Variants in PRUNE2 observed in about 807,000 individuals in gnomAD.
PRUNE2 encodes the protein protein prune homolog 2.
PRUNE2 carries 164 observed loss-of-function variants against 252.0 expected under a neutral mutation model. That is an observed-to-expected ratio of 0.65 (90% CI 0.57 to 0.74). PRUNE2 has a LOEUF of 0.74. PRUNE2 is among the 30% of genes least tolerant of loss of function. PRUNE2 has a pLI of 0.00. For synonymous variants in PRUNE2, 1,292 were observed against 1,350.2 expected, an observed-to-expected ratio of 0.96 and a Z score of 0.94; for missense variants, 3,495 against 3,711.0, an observed-to-expected ratio of 0.94 and a Z score of 1.51.
In PRUNE2 at chr9:76,652,593, T is replaced by C. The variant is rs746122738; in HGVS notation, c.8447A>G (p.Glu2816Gly). ...PNINLSLDQS[E>G]GSILSDDNLD... ...GTTATCATCAGAGAGAATAGATCCT[T>C]CACTTTGGTCCAGAGAAAGATTGAT... Residue 2816 changes from glutamate (E) to glycine (G), a missense_variant, in exon 11 of 19, where the codon GAA becomes GGA. Coordinates refer to ENST00000376718, the MANE Select transcript of PRUNE2 (RefSeq NM_015225.3). The C allele has an allele frequency of 1.9e-6, 3 of 1,612,786 alleles. No individual in the cohort carries two copies. The highest frequency in any genetic ancestry group is 3.3e-5 in the Admixed American group (2 of 59,992).
chr9:76,896,401 T>G (rs1245116082), intron 1 of PRUNE2, among the ~76,000 whole-genome samples: 1 of 152,194 alleles, frequency 6.6e-6, no homozygotes, highest in Non-Finnish European at 1.5e-5. Flanking sequence ...AATAATCAAC[T>G]TTAGTTGCCT....
chr9:76,729,057 T>C (rs1022090846), intron 6 of PRUNE2, among the ~76,000 whole-genome samples: 2 of 152,226 alleles, frequency 1.3e-5, no homozygotes, highest in African/African-American at 4.8e-5. Flanking sequence ...ATAGTCCTTT[T>C]TGCCCTAAGA....
At chr9:76,809,266 C>A (rs1288309906) in intron 6 of PRUNE2, among the ~76,000 whole-genome samples, 2 of 152,196 alleles carry the variant, frequency 1.3e-5, no homozygotes, top group African/African-American at 2.4e-5. Flanking sequence ...AGACAGAAAC[C>A]ATTGCACTGC....
chr9:76,668,383 T>C (rs1055501655), intron 9 of PRUNE2, among the ~76,000 whole-genome samples: 1 of 152,222 alleles, frequency 6.6e-6, no homozygotes, highest in Non-Finnish European at 1.5e-5. Flanking sequence ...CATCATGCTA[T>C]CTTGTTACTT....
intron 1 of PRUNE2, among the ~76,000 whole-genome samples, chr9:76,864,918 C>T (rs113390549): frequency 0.023 from 3,558 of 152,196 alleles, 124 homozygotes; most frequent in African/African-American, 0.081. Context: ...AGAGGACCCA[C>T]GATAAGCTCT....
chr9:76,678,287 G>T (rs1216990284), intron 9 of PRUNE2, among the ~76,000 whole-genome samples: 1 of 143,056 alleles, frequency 7.0e-6, no homozygotes, highest in East Asian at 2.2e-4. Context: ...GGGAGTGGAG[G>T]TTGCAGTGAG....
intron 12 of PRUNE2, among the ~76,000 whole-genome samples, chr9:76,640,530 T>A (rs1237434038): frequency 6.6e-6 from 1 of 152,012 alleles, no homozygotes; most frequent in African/African-American, 2.4e-5. Context: ...ATGCAACACA[T>A]GTTTGTGAGA....
At position 76,707,000 on chromosome 9, in the gene PRUNE2, G is replaced by A. The variant is rs1474942047; in HGVS notation, c.5274C>T (p.Asp1758=). The A allele has an allele frequency of 5.0e-6, 8 of 1,613,974 alleles. No individual in the cohort carries two copies. The highest frequency in any genetic ancestry group is 6.8e-6 in the Non-Finnish European group (8 of 1,179,868). ...AGGGATCAGGGCTGCTTTGTTGATT[G>A]TCACAGAATGGGTTTGACTTATTCT... ...ENENKSNPFC[D]NQQSSPDPWT... The change falls in exon 8 of 19, where the codon GAC becomes GAT. Residue 1758 remains aspartate, a synonymous_variant. Coordinates refer to ENST00000376718, the MANE Select transcript of PRUNE2 (RefSeq NM_015225.3).
intron 4 of PRUNE2, among the ~76,000 whole-genome samples, chr9:76,843,315 G>A (rs60587813): frequency 0.087 from 13,214 of 151,986 alleles, 719 homozygotes; most frequent in East Asian, 0.15. Context: ...CACACACCGG[G>A]GCCTGTTGGG....
chr9:76,867,814 G>A (rs146598325), intron 1 of PRUNE2, among the ~76,000 whole-genome samples: 2,517 of 152,086 alleles, frequency 0.017, 72 homozygotes, highest in African/African-American at 0.056. Context: ...CTTGTGATCC[G>A]CCCACCTCGG....
intron 1 of PRUNE2, among the ~76,000 whole-genome samples, chr9:76,897,388 C>CTT: frequency 3.1e-5 from 3 of 98,108 alleles, no homozygotes; most frequent in African/African-American, 3.6e-5. Context: ...TTAGGCAAAC[C>CTT]TCTTTTTTTT....
chr9:76,860,752 C>T (rs1268822008), intron 1 of PRUNE2, among the ~76,000 whole-genome samples: 13 of 152,276 alleles, frequency 8.5e-5, no homozygotes, highest in African/African-American at 3.1e-4. Context: ...TTCTTGGTCC[C>T]TCATTTCTAA....
chr9:76,771,568 T>C (rs2053110337), intron 6 of PRUNE2, among the ~76,000 whole-genome samples: 1 of 152,170 alleles, frequency 6.6e-6, no homozygotes, highest in Non-Finnish European at 1.5e-5. Context: ...AGGGTAATAA[T>C]GGCTACTTTA....
intron 6 of PRUNE2, among the ~76,000 whole-genome samples, chr9:76,795,096 C>A (rs1470792312): frequency 6.6e-6 from 1 of 152,134 alleles, no homozygotes; most frequent in Non-Finnish European, 1.5e-5. Context: ...AATTGAATGA[C>A]GCTGGCCAGG....
intron 6 of PRUNE2, among the ~76,000 whole-genome samples, chr9:76,777,282 T>C (rs2053910398): frequency 6.6e-6 from 1 of 152,164 alleles, no homozygotes; most frequent in Non-Finnish European, 1.5e-5. Context: ...GGGAGGCTTC[T>C]CAGACTGCCC....
chr9:76,815,588 T>C (rs7027403), intron 6 of PRUNE2, among the ~76,000 whole-genome samples: 71,254 of 152,056 alleles, frequency 0.47, 16,798 homozygotes, highest in Middle Eastern at 0.53. Flanking sequence ...TACTACTTCA[T>C]TGGGGATTAA....
At chr9:76,717,451 A>G (rs771616845) in intron 6 of PRUNE2, among the ~76,000 whole-genome samples, 5 of 152,114 alleles carry the variant, frequency 3.3e-5, no homozygotes, top group Admixed American at 6.5e-5. Flanking sequence ...TCATCAACAC[A>G]ACCCAACTGT....
At position 76,754,749 on chromosome 9, in the gene PRUNE2, G is replaced by A. The variant is rs572818032; in HGVS notation, c.757-41028C>T. Among the ~76,000 whole-genome samples, 6 of 151,930 alleles carry A rather than the reference G, an allele frequency of 3.9e-5. No homozygotes were observed. In the East Asian group the frequency reaches 5.8e-4, roughly 15 times the overall value. On this transcript the variant is annotated intron_variant, in intron 6 of 18. Transcript: ENST00000376718. Reference sequence around the variant, plus strand: ...TGGGAGGCCAAGGCGGGTAGATCACGAGATCAAGAGATGGAGACCATCCTG... The same window carrying A: ...TGGGAGGCCAAGGCGGGTAGATCACAAGATCAAGAGATGGAGACCATCCTG...
intron 6 of PRUNE2, among the ~76,000 whole-genome samples, chr9:76,792,045 C>T (rs573227976): frequency 2.0e-5 from 3 of 151,982 alleles, no homozygotes; most frequent in Admixed American, 6.6e-5. Context: ...TGCCTTTGTG[C>T]GAGGCCAGGG....
Sources: allele counts gnomAD v4.1 joint callset (sites outside exome capture counted in the v4.1 genomes callset), GRCh38; gene constraint gnomAD v4.1.1; transcripts MANE v1.5; gene names NCBI Gene and HGNC (gene_info 2026-07-23, HGNC 2026-07-21).